The following SWI5 variants were observed in gnomAD, a reference collection of about 807,000 sequenced individuals.
SWI5 encodes the protein DNA repair protein SWI5 homolog.
In SWI5, 12 loss-of-function variants were observed where a neutral mutation model predicts 17.0. That is an observed-to-expected ratio of 0.71 (90% confidence interval 0.45 to 1.14). SWI5 has a LOEUF of 1.14. Among genes scored for constraint, SWI5 ranks in the 50% most tolerant of loss-of-function variants. The pLI is 0.00. For missense variants in SWI5, 158 were observed against 162.2 expected, an observed-to-expected ratio of 0.97 and a Z score of 0.14; for synonymous variants, 61 against 64.0, an observed-to-expected ratio of 0.95 and a Z score of 0.22.
At chr9:128,275,520 G>A (rs1274669978), upstream of SWI5, 2 of 1,305,008 alleles carry the variant, frequency 1.5e-6, no homozygotes, top group Non-Finnish European at 2.0e-6. Flanking sequence ...CTGGAGCGGG[G>A]GGCCCCGGGA....
chr9:128,285,219 G>C lies in SWI5; in HGVS notation c.233+588G>C, dbSNP rs931657212. On this transcript the variant is annotated intron_variant, in intron 3 of 4. Transcript: ENST00000418976. This position sits in a 1 kb window ranked among gnomAD's most constrained non-coding sequence, Gnocchi z 4.8. Reference sequence around the variant, plus strand: ...GAGAGGAGAGGAAAGAAAAAGGAAGGAAGGAAAGAAAGGAAGGGAAAGAAG... The same window carrying C: ...GAGAGGAGAGGAAAGAAAAAGGAAGCAAGGAAAGAAAGGAAGGGAAAGAAG... Among the ~76,000 whole-genome samples, 2 of 150,268 alleles carry C rather than the reference G, an allele frequency of 1.3e-5. No individual in the cohort carries two copies. The highest frequency in any genetic ancestry group is 6.7e-5 in the Admixed American group (1 of 14,922).
At chr9:128,280,833 A>G (rs1166301525) in intron 2 of SWI5, among the ~76,000 whole-genome samples, 1 of 151,484 alleles carries the variant, frequency 6.6e-6, no homozygotes, top group East Asian at 2.0e-4. Flanking sequence ...GTTCTTTTTC[A>G]CACCACTATC....
At chr9:128,276,500 A>G in intron 1 of SWI5, 98 bp downstream of exon 1, 2 of 1,575,800 alleles carry the variant, frequency 1.3e-6, no homozygotes, top group Non-Finnish European at 1.7e-6. Flanking sequence ...ACTCCCATCC[A>G]GTGCTCCAGA....
At chr9:128,279,472 C>T (rs1831498020) in intron 2 of SWI5, among the ~76,000 whole-genome samples, 1 of 152,206 alleles carries the variant, frequency 6.6e-6, no homozygotes, top group African/African-American at 2.4e-5. Flanking sequence ...AAGCAAGTCA[C>T]ATGATCGTGG....
intron 4 of SWI5, among the ~76,000 whole-genome samples, chr9:128,287,415 T>TG (rs1831660913): frequency 6.8e-6 from 1 of 146,312 alleles, no homozygotes; most frequent in Non-Finnish European, 1.5e-5. Flanking sequence ...ATCACACCAC[T>TG]GTACTCCAGC....
At chr9:128,280,053 G>T (rs1831509547) in intron 2 of SWI5, among the ~76,000 whole-genome samples, 1 of 152,154 alleles carries the variant, frequency 6.6e-6, no homozygotes, top group African/African-American at 2.4e-5. Flanking sequence ...ACTAATGATT[G>T]ATAATTGTCC....
upstream of SWI5, chr9:128,276,205 C>G (rs1192593166): frequency 1.9e-6 from 3 of 1,606,132 alleles, no homozygotes; most frequent in Admixed American, 3.4e-5. Flanking sequence ...CACGCAACCG[C>G]TGTCCCCGCC....
intron 2 of SWI5, among the ~76,000 whole-genome samples, chr9:128,279,043 T>C (rs1168911284): frequency 2.0e-5 from 3 of 152,196 alleles, no homozygotes; most frequent in Non-Finnish European, 4.4e-5. Flanking sequence ...GTGCTGGGAT[T>C]ACAGGCATGA....
At chr9:128,286,617 T>C (rs962147945) in intron 4 of SWI5, 21 of 152,602 alleles carry the variant, frequency 1.4e-4, no homozygotes, top group African/African-American at 5.1e-4. Flanking sequence ...GCTGGGGTAG[T>C]GTTCAGAGCT....
chr9:128,282,553 C>T (rs116972099), intron 2 of SWI5, among the ~76,000 whole-genome samples: 226 of 152,246 alleles, frequency 1.5e-3, no homozygotes, highest in East Asian at 7.5e-3. Flanking sequence ...AGAACTTCAT[C>T]GTTGGGCGCT....
chr9:128,277,854 T>G (rs946980320), intron 2 of SWI5, among the ~76,000 whole-genome samples: 31 of 152,164 alleles, frequency 2.0e-4, no homozygotes, highest in African/African-American at 7.2e-4. Context: ...TGATTGAGCT[T>G]CTCTCTGCAA....
intron 2 of SWI5, among the ~76,000 whole-genome samples, chr9:128,282,301 C>T (rs1368640728): frequency 1.3e-5 from 2 of 151,922 alleles, no homozygotes; most frequent in Non-Finnish European, 2.9e-5. Context: ...GCAGGAAAAT[C>T]GCTTGAATCC....
At position 128,285,307 on chromosome 9, in the gene SWI5, GAAGA is replaced by G. The variant is rs1275523807; in HGVS notation, c.234-624_234-621del. Among the ~76,000 whole-genome samples the G allele has an allele frequency of 1.6e-4, 25 of 151,614 alleles. No individual in the cohort carries two copies. The highest frequency in any genetic ancestry group is 1.5e-5 in the Non-Finnish European group (1 of 67,904). ...GAAGGAAGGAAGGAAAGGAAGGAAG[GAAGA>G]AAGAAAGGAAGGACTATGCTTCTGG... On this transcript the variant is annotated intron_variant, in intron 3 of 4. Transcript: ENST00000418976. This position sits in a 1 kb window ranked among gnomAD's most constrained non-coding sequence, Gnocchi z 4.8.
chr9:128,287,211 C>T (rs1370513015), intron 4 of SWI5, among the ~76,000 whole-genome samples: 1 of 150,314 alleles, frequency 6.7e-6, no homozygotes, highest in Non-Finnish European at 1.5e-5. Context: ...CTTTGGGAGG[C>T]CGAGGCAGGT....
chr9:128,280,866 C>G (rs887688243), intron 2 of SWI5, among the ~76,000 whole-genome samples: 1 of 152,032 alleles, frequency 6.6e-6, no homozygotes, highest in Non-Finnish European at 1.5e-5. Context: ...CATTCACACA[C>G]GTGGAAACCA....
At chr9:128,276,218 C>A (rs774347320), upstream of SWI5, 1 of 1,610,934 alleles carries the variant, frequency 6.2e-7, no homozygotes, top group African/African-American at 1.3e-5. Flanking sequence ...TCCCCGCCCA[C>A]CTCGGGAGAG....
At chr9:128,288,911 A>T (rs555108756) in exon 5 of SWI5, 1 of 606,854 alleles carries the variant, frequency 1.6e-6, no homozygotes, top group Non-Finnish European at 2.9e-6. Context: ...TCCCAGCTCC[A>T]AGGTTCCTGA....
chr9:128,275,668 C>A (rs1002268389), upstream of SWI5, among the ~76,000 whole-genome samples: 14 of 152,194 alleles, frequency 9.2e-5, no homozygotes, highest in Admixed American at 7.8e-4. Context: ...GAGCGGGGAG[C>A]CCCGGGAGCA....
intron 2 of SWI5, among the ~76,000 whole-genome samples, chr9:128,280,540 C>T (rs537524960): frequency 1.1e-3 from 163 of 151,336 alleles, no homozygotes; most frequent in African/African-American, 2.9e-3. Context: ...ACAAGAGTCT[C>T]GCTCTGCCAC....
Sources: gnomAD v4.1 joint callset for allele counts (sites outside exome capture counted in the v4.1 genomes callset) on GRCh38, gnomAD v4.1.1 for gene constraint, Gnocchi (gnomAD v3.1) non-coding constraint, MANE v1.5 for transcripts, NCBI Gene and HGNC (gene_info 2026-07-23, HGNC 2026-07-21) for gene names.